Variants in ZNF76 observed in about 807,000 individuals in gnomAD.
ZNF76 encodes the protein zinc finger protein 76.
Under a neutral mutation model 66.9 loss-of-function variants are expected in ZNF76, and 66 were observed. That is an observed-to-expected ratio of 0.99 (90% CI 0.81 to 1.21). The LOEUF is 1.21. Ranked by LOEUF, ZNF76 falls within the 50% of genes most tolerant of loss-of-function variation. ZNF76 has a pLI of 0.00. For synonymous variants in ZNF76, 275 were observed against 296.1 expected, an observed-to-expected ratio of 0.93 and a Z score of 0.73; for missense variants, 729 against 760.3, an observed-to-expected ratio of 0.96 and a Z score of 0.48.
In ZNF76 at chr6:35,286,360, G is replaced by C; in HGVS notation, c.193G>C (p.Glu65Gln). The part of the protein sequence containing the change: ...SFEDGQPVQL[E>Q]DGSMAYIHRT... ...TGAGGATGGTCAGCCTGTGCAGCTGGAAGATGGCAGCATGGCTTACATACA... is the reference window on the plus strand; with the variant it reads ...TGAGGATGGTCAGCCTGTGCAGCTGCAAGATGGCAGCATGGCTTACATACA... Residue 65 changes from glutamate (E) to glutamine (Q), a missense_variant, in exon 4 of 14, where the codon GAA (glutamate) becomes CAA (glutamine). Glu to Gln is a conservative substitution (Grantham distance 29). Transcript: ENST00000373953. 6.2e-7 allele frequency: 1 copy of C among 1,614,214 alleles called. No individual in the cohort carries two copies. Among genetic ancestry groups the C allele is most frequent in the South Asian group, 1.1e-5 (1 of 91,090 alleles).
At position 35,287,569 on chromosome 6, in the gene ZNF76, C is replaced by A; in HGVS notation, c.233-77C>A. On this transcript the variant is annotated intron_variant, in intron 4 of 13. Transcript: ENST00000373953. This position sits in a 1 kb window ranked among gnomAD's most constrained non-coding sequence, Gnocchi z 4.0. The stretch of plus-strand genomic sequence containing the variant: ...AACCCTCCTTGGTATATGTATCTCT[C>A]ATTAACTTAAAGCTAGGGTCCCAGC... 2 of 1,374,106 alleles carry A rather than the reference C, an allele frequency of 1.5e-6. No homozygotes were observed. Among genetic ancestry groups the A allele is most frequent in the Non-Finnish European group, 2.0e-6 (2 of 1,003,480 alleles). 85.1% of individuals were successfully genotyped at this position (1,374,106 alleles called of 1,614,324 possible).
chr6:35,294,472 CTG>C lies in ZNF76; in HGVS notation c.1512_1513del (p.Ala506CysfsTer4), dbSNP rs778604413. 14 of 1,613,778 alleles carry C rather than the reference CTG, an allele frequency of 8.7e-6. No homozygotes were observed. The highest frequency in any genetic ancestry group is 1.1e-5 in the Non-Finnish European group (13 of 1,179,792). ...GTCTTTCAGGTCACAATCATTACCT[CTG>C]GGGCTGTGGTGGCTGAGGACTCAAG... On this transcript the variant is annotated frameshift_variant, in exon 13 of 14. Transcript: ENST00000373953. LOFTEE classifies it high-confidence loss of function.
rs1277627745 is a variant in ZNF76 at position 35,295,286 on chromosome 6, G to A, written c.*38G>A. On this transcript the variant is annotated 3_prime_UTR_variant, in exon 14 of 14. Coordinates refer to ENST00000373953, the MANE Select transcript of ZNF76 (RefSeq NM_003427.5). ...TGGGTCCCACACCATGCTGGAGGAA[G>A]TGCCATCTGCATGGCCACTCTTGCC... The A allele has an allele frequency of 3.9e-6, 6 of 1,530,520 alleles. No individual in the cohort carries two copies. Among genetic ancestry groups the A allele is most frequent in the Non-Finnish European group, 3.6e-6 (4 of 1,126,568 alleles). The allele number at this position is 1,530,520 out of a possible 1,614,324, so 94.8% of individuals were successfully genotyped here.
At chr6:35,265,209 GA>G (rs1785824471) in intron 1 of ZNF76, among the ~76,000 whole-genome samples, 1 of 151,992 alleles carries the variant, frequency 6.6e-6, no homozygotes, top group African/African-American at 2.4e-5. Flanking sequence ...AAGGGAGATA[GA>G]AAGTGCCAGG....
chr6:35,269,154 G>A (rs1236172584), intron 1 of ZNF76, among the ~76,000 whole-genome samples: 2 of 151,798 alleles, frequency 1.3e-5, no homozygotes, highest in African/African-American at 2.4e-5. Context: ...GGTGGCAGGC[G>A]CCTGTAGTCC....
intron 1 of ZNF76, among the ~76,000 whole-genome samples, chr6:35,265,506 C>CAAAAA (rs527326739): frequency 1.5e-5 from 1 of 68,566 alleles, no homozygotes; most frequent in African/African-American, 4.7e-5. Flanking sequence ...GACTCTGTCT[C>CAAAAA]AAAAAAAAAA....
intron 5 of ZNF76, among the ~76,000 whole-genome samples, chr6:35,289,674 G>T (rs1790092452): frequency 6.6e-6 from 1 of 152,158 alleles, no homozygotes; most frequent in Non-Finnish European, 1.5e-5. Context: ...GCTGGGTGCT[G>T]TCATTAGAGC....
At position 35,292,530 on chromosome 6, in the gene ZNF76, C is replaced by T. The variant is rs748355316; in HGVS notation, c.932-24C>T. 6.2e-7 allele frequency: 1 copy of T among 1,611,978 alleles called. No homozygotes were observed. The highest frequency in any genetic ancestry group is 1.1e-5 in the South Asian group (1 of 91,016). On this transcript the variant is annotated intron_variant, in intron 9 of 13. Transcript: ENST00000373953. The surrounding 1 kb of genome is among the most constrained non-coding windows in gnomAD (Gnocchi z 4.7). ...CCCCTTGCCAGCCCCAGTTCCCACC[C>T]CCCTCACAGCCCAGTGTCCCCAGGG...
chr6:35,272,493 G>A (rs867516676), intron 1 of ZNF76, among the ~76,000 whole-genome samples: 1 of 131,192 alleles, frequency 7.6e-6, no homozygotes, highest in Admixed American at 7.4e-5. Context: ...GTGTGTGTGT[G>A]TGTGTGTGTG....
chr6:35,281,956 A>G (rs1006577511), intron 2 of ZNF76, among the ~76,000 whole-genome samples: 3 of 151,300 alleles, frequency 2.0e-5, no homozygotes, highest in Non-Finnish European at 4.4e-5. Flanking sequence ...AAAAAAAAAA[A>G]GATACTCTTC....
intron 13 of ZNF76, 128 bp downstream of exon 13, chr6:35,294,697 A>G (rs1180014188): frequency 2.7e-6 from 2 of 734,384 alleles, no homozygotes; most frequent in Non-Finnish European, 4.8e-6. Context: ...CAGAGGACAG[A>G]TCCCTTTCCT....
chr6:35,292,508 C>T lies in ZNF76; in HGVS notation c.932-46C>T, dbSNP rs1184488866. ...TCACCCCTGTCCCCTTAGTTTCCCC[C>T]TTGCCAGCCCCAGTTCCCACCCCCC... is the stretch of plus-strand genomic sequence containing the variant. On this transcript the variant is annotated intron_variant, in intron 9 of 13. Coordinates refer to ENST00000373953, the MANE Select transcript of ZNF76 (RefSeq NM_003427.5). This position sits in a 1 kb window ranked among gnomAD's most constrained non-coding sequence, Gnocchi z 4.7. 6.2e-7 allele frequency: 1 copy of T among 1,608,404 alleles called. No individual in the cohort carries two copies. Among genetic ancestry groups the T allele is most frequent in the South Asian group, 1.1e-5 (1 of 90,734 alleles).
At chr6:35,286,865 C>G in intron 4 of ZNF76, 1 of 200,636 alleles carries the variant, frequency 5.0e-6, no homozygotes, top group Non-Finnish European at 1.0e-5. Context: ...AGACACAGTC[C>G]CCGCTCTCCT....
intron 13 of ZNF76, 80 bp from the exon 14 acceptor site, chr6:35,295,064 G>T (rs75950951): frequency 1.8e-6 from 2 of 1,113,220 alleles, no homozygotes. Flanking sequence ...AAAAAAAAAA[G>T]TAGGCCACAT....
At chr6:35,289,335 T>C (rs1260593291) in intron 5 of ZNF76, among the ~76,000 whole-genome samples, 1 of 152,154 alleles carries the variant, frequency 6.6e-6, no homozygotes, top group East Asian at 1.9e-4. Flanking sequence ...GACCCTACCC[T>C]CTACCCAGAA....
intron 1 of ZNF76, among the ~76,000 whole-genome samples, chr6:35,265,436 G>A (rs1785862768): frequency 6.6e-6 from 1 of 151,816 alleles, no homozygotes; most frequent in South Asian, 2.1e-4. Context: ...CAACCCAGGA[G>A]GCAGAGGTTG....
At chr6:35,279,456 C>CT (rs1419359378) in intron 1 of ZNF76, 1 of 112,812 alleles carries the variant, frequency 8.9e-6, no homozygotes, top group African/African-American at 3.6e-5. Context: ...GGGACGGAGT[C>CT]TCGCTCTGTC....
chr6:35,270,064 A>G (rs1786783760), intron 1 of ZNF76, among the ~76,000 whole-genome samples: 1 of 152,218 alleles, frequency 6.6e-6, no homozygotes, highest in Non-Finnish European at 1.5e-5. Context: ...GGGAGTACAA[A>G]GCATGCATTT....
chr6:35,267,821 C>T (rs894620524), intron 1 of ZNF76, among the ~76,000 whole-genome samples: 2 of 152,140 alleles, frequency 1.3e-5, no homozygotes, highest in Non-Finnish European at 2.9e-5. Context: ...ATGGTAATCC[C>T]GATGAGGGAA....
Sources: gnomAD v4.1 joint callset for allele counts (sites outside exome capture counted in the v4.1 genomes callset) on GRCh38, gnomAD v4.1.1 for gene constraint, Gnocchi (gnomAD v3.1) non-coding constraint, MANE v1.5 for transcripts, NCBI Gene and HGNC (gene_info 2026-07-23, HGNC 2026-07-21) for gene names.